CTNNA3: variants seen among roughly 807,000 people sequenced by gnomAD.
CTNNA3 encodes catenin alpha 3.
Under a neutral mutation model 95.7 loss-of-function variants are expected in CTNNA3, and 76 were observed. The ratio of observed to expected loss-of-function variants is 0.79; its 90% CI spans 0.66 to 0.96. The LOEUF is 0.96. Ranked by LOEUF, CTNNA3 falls within the 40% of genes least tolerant of loss-of-function variation. The probability of loss-of-function intolerance (pLI) is 0.00; values close to 1 mark genes in which losing one functional copy is unlikely to be tolerated. For synonymous variants in CTNNA3, 431 were observed against 374.4 expected, an observed-to-expected ratio of 1.15 and a Z score of -1.74; for missense variants, 1,191 against 1,089.8, an observed-to-expected ratio of 1.09 and a Z score of -1.31.
intron 5 of CTNNA3, among the ~76,000 whole-genome samples, chr10:67,388,225 G>A (rs1844283583): frequency 1.8e-5 from 2 of 111,658 alleles, no homozygotes; most frequent in Non-Finnish European, 3.6e-5. Context: ...AGGAGCTGAT[G>A]GAGCTGAAAA....
At chr10:66,245,982 C>A (rs2090304855) in intron 13 of CTNNA3, among the ~76,000 whole-genome samples, 2 of 152,172 alleles carry the variant, frequency 1.3e-5, no homozygotes, top group Non-Finnish European at 2.9e-5. Context: ...ATTGGTGGGC[C>A]CAGAAAAGGC....
rs536609611 is a variant in CTNNA3, at chr10:65,958,333, C to A, written c.2400+8279G>T. ...GCTTCTTTGCAATGGGTTCAAACATCCTCCTTTAGCTTGGAGAAGTTTGTT... is the reference window on the plus strand; with the variant it reads ...GCTTCTTTGCAATGGGTTCAAACATACTCCTTTAGCTTGGAGAAGTTTGTT... On this transcript the variant is annotated intron_variant, in intron 17 of 17. Coordinates refer to ENST00000433211, the MANE Select transcript of CTNNA3 (RefSeq NM_013266.4). 6.6e-5 allele frequency among the ~76,000 whole-genome samples: 10 copies of A among 152,216 alleles called. No individual in the cohort carries two copies. The South Asian group carries it at 2.1e-3, about 32-fold the overall frequency.
At chr10:66,355,885 A>G (rs1457421734) in intron 12 of CTNNA3, among the ~76,000 whole-genome samples, 1 of 99,202 alleles carries the variant, frequency 1.0e-5, no homozygotes, top group Non-Finnish European at 2.1e-5. Flanking sequence ...AATGTAAGGC[A>G]TAAGTTGAGG....
chr10:66,994,574 C>T (rs1851227126), intron 7 of CTNNA3, among the ~76,000 whole-genome samples: 1 of 152,046 alleles, frequency 6.6e-6, no homozygotes, highest in Non-Finnish European at 1.5e-5. Flanking sequence ...GCATTAAGTA[C>T]CAAGGATACC....
At chr10:66,325,265 G>C (rs2092240603) in intron 12 of CTNNA3, among the ~76,000 whole-genome samples, 2 of 152,030 alleles carry the variant, frequency 1.3e-5, no homozygotes, top group Non-Finnish European at 1.5e-5. Flanking sequence ...AAGGGTGAAA[G>C]AAAAAGAAAC....
intron 7 of CTNNA3, among the ~76,000 whole-genome samples, chr10:66,833,039 T>C (rs1842774638): frequency 6.6e-6 from 1 of 152,218 alleles, no homozygotes; most frequent in Admixed American, 6.5e-5. Flanking sequence ...ATTTTTACTC[T>C]AAAAGAAGAA....
At chr10:67,142,681 C>T (rs1188616261) in intron 7 of CTNNA3, among the ~76,000 whole-genome samples, 2 of 152,192 alleles carry the variant, frequency 1.3e-5, no homozygotes, top group Non-Finnish European at 1.5e-5. Flanking sequence ...CACCTGTAAT[C>T]CCAGCACTTT....
At chr10:66,733,385 T>C (rs1849026563) in intron 9 of CTNNA3, among the ~76,000 whole-genome samples, 1 of 152,028 alleles carries the variant, frequency 6.6e-6, no homozygotes, top group African/African-American at 2.4e-5. Context: ...TAACATATTA[T>C]GATTTTTCTT....
At position 66,033,734 on chromosome 10, in the gene CTNNA3, G is replaced by C. The variant is rs530908139; in HGVS notation, c.2159+35574C>G. ...AGAACTCTGGCTTCTAATTCTGACT[G>C]ATTGAAACCTTAAGGCTGGATTTTC... is the stretch of plus-strand genomic sequence containing the variant. On this transcript the variant is annotated intron_variant, in intron 15 of 17. Coordinates refer to ENST00000433211, the MANE Select transcript of CTNNA3 (RefSeq NM_013266.4). Among the ~76,000 whole-genome samples the C allele has an allele frequency of 3.9e-5, 6 of 152,158 alleles. No homozygotes were observed. In the South Asian group the frequency reaches 1.2e-3, roughly 32 times the overall value.
intron 7 of CTNNA3, among the ~76,000 whole-genome samples, chr10:67,160,647 G>A (rs1861499120): frequency 6.6e-6 from 1 of 151,974 alleles, no homozygotes; most frequent in Non-Finnish European, 1.5e-5. Flanking sequence ...ATGTTCCCCA[G>A]GATGGTCTTA....
At chr10:66,918,022 ACT>A (rs1846586221) in intron 7 of CTNNA3, among the ~76,000 whole-genome samples, 1 of 152,150 alleles carries the variant, frequency 6.6e-6, no homozygotes, top group Admixed American at 6.5e-5. Flanking sequence ...TTACAATGTG[ACT>A]CTGGTGCCAC....
chr10:66,887,474 G>A (rs960410330), intron 7 of CTNNA3, among the ~76,000 whole-genome samples: 54 of 151,886 alleles, frequency 3.6e-4, no homozygotes, highest in East Asian at 1.9e-4. Flanking sequence ...AAACTCTTAC[G>A]TAATTATTTT....
intron 12 of CTNNA3, among the ~76,000 whole-genome samples, chr10:66,350,653 G>C (rs948881343): frequency 6.6e-6 from 1 of 151,658 alleles, no homozygotes; most frequent in Non-Finnish European, 1.5e-5. Context: ...GGTCAATTGG[G>C]AAAATGCTTA....
chr10:67,274,592 C>T (rs1364032292), intron 5 of CTNNA3, among the ~76,000 whole-genome samples: 2 of 152,100 alleles, frequency 1.3e-5, no homozygotes, highest in African/African-American at 2.4e-5. Flanking sequence ...CTTTAGGAGG[C>T]TGAGGCCAGC....
chr10:67,578,996 G>GATATATATAT (rs533690910), intron 3 of CTNNA3, among the ~76,000 whole-genome samples: 92 of 87,236 alleles, frequency 1.1e-3, no homozygotes, highest in Middle Eastern at 7.1e-3. Flanking sequence ...TGATCATAGT[G>GATATATATAT]ATATATATAT....
chr10:66,881,280 C>G (rs1414343926), intron 7 of CTNNA3, among the ~76,000 whole-genome samples: 2 of 152,136 alleles, frequency 1.3e-5, no homozygotes, highest in Non-Finnish European at 2.9e-5. Context: ...GTTAAATGGT[C>G]TTCCAACATA....
chr10:67,261,687 T>C (rs533231730), intron 5 of CTNNA3, among the ~76,000 whole-genome samples: 1 of 152,318 alleles, frequency 6.6e-6, no homozygotes, highest in South Asian at 2.1e-4. Context: ...GAGGCTGTCA[T>C]TTCAAATACA....
chr10:66,819,584 G>T (rs186272842), intron 7 of CTNNA3, among the ~76,000 whole-genome samples: 141 of 152,022 alleles, frequency 9.3e-4, no homozygotes, highest in Non-Finnish European at 5.6e-4. Context: ...AAAAATATTT[G>T]CATGTCATAT....
At chr10:66,275,623 A>G (rs1385735419) in intron 13 of CTNNA3, among the ~76,000 whole-genome samples, 1 of 152,246 alleles carries the variant, frequency 6.6e-6, no homozygotes, top group Non-Finnish European at 1.5e-5. Flanking sequence ...TTCTGATTTT[A>G]CACAATATTC....
Sources: allele counts gnomAD v4.1 joint callset (sites outside exome capture counted in the v4.1 genomes callset), GRCh38; gene constraint gnomAD v4.1.1; transcripts MANE v1.5; gene names NCBI Gene and HGNC (gene_info 2026-07-23, HGNC 2026-07-21).